Variants in SGMS1 observed in about 807,000 individuals in gnomAD.
The protein encoded by SGMS1 is sphingomyelin synthase 1.
In SGMS1, 13 loss-of-function variants were observed where a neutral mutation model predicts 46.2. The ratio of observed to expected loss-of-function variants is 0.28; its 90% CI spans 0.18 to 0.45. The LOEUF (loss-of-function observed/expected upper bound fraction) is 0.45. SGMS1 is among the 20% of genes least tolerant of loss of function. SGMS1 has a pLI of 1.00. For synonymous variants in SGMS1, 203 were observed against 187.8 expected (o/e 1.08, Z -0.66); for missense variants, 324 against 519.9 (o/e 0.62, Z 3.66).
At chr10:50,401,538 T>C (rs566777801) in intron 6 of SGMS1, among the ~76,000 whole-genome samples, 29 of 152,258 alleles carry the variant, frequency 1.9e-4, no homozygotes, top group Non-Finnish European at 4.0e-4. Flanking sequence ...ATCCCTCTAG[T>C]TTGATTCTCA....
intron 3 of SGMS1, among the ~76,000 whole-genome samples, chr10:50,513,234 C>A (rs1038563807): frequency 6.6e-6 from 1 of 152,158 alleles, no homozygotes; most frequent in Non-Finnish European, 1.5e-5. Flanking sequence ...CAGTGAACCA[C>A]AAAGTAAAAC....
At chr10:50,556,577 G>A (rs773302561) in intron 2 of SGMS1, among the ~76,000 whole-genome samples, 3 of 152,176 alleles carry the variant, frequency 2.0e-5, no homozygotes, top group Non-Finnish European at 4.4e-5. Context: ...AGAGTGAATG[G>A]AGCACAATGA....
At chr10:50,436,671 T>C (rs1037850533) in intron 5 of SGMS1, among the ~76,000 whole-genome samples, 1 of 152,190 alleles carries the variant, frequency 6.6e-6, no homozygotes, top group Non-Finnish European at 1.5e-5. Context: ...GAATGTTCAC[T>C]TTACACTCTA....
chr10:50,562,529 A>T (rs1378375662), intron 2 of SGMS1, among the ~76,000 whole-genome samples: 2 of 152,032 alleles, frequency 1.3e-5, no homozygotes, highest in Admixed American at 1.3e-4. Flanking sequence ...CTTTTAAATC[A>T]CAGGCTAAAT....
At chr10:50,391,337 C>A (rs1848763005) in intron 6 of SGMS1, among the ~76,000 whole-genome samples, 1 of 152,112 alleles carries the variant, frequency 6.6e-6, no homozygotes, top group South Asian at 2.1e-4. Flanking sequence ...GGGACTTGAA[C>A]ATGATAACTT....
upstream of SGMS1, among the ~76,000 whole-genome samples, chr10:50,624,289 G>A (rs1838892452): frequency 6.6e-6 from 1 of 152,150 alleles, no homozygotes; most frequent in Admixed American, 6.5e-5. Context: ...GCTAGAGCTG[G>A]TCACAAAGCA....
chr10:50,477,820 C>T (rs1438156623), intron 3 of SGMS1, among the ~76,000 whole-genome samples: 1 of 152,156 alleles, frequency 6.6e-6, no homozygotes, highest in Non-Finnish European at 1.5e-5. Context: ...TGCCTGATCC[C>T]TTTCCTTCTG....
chr10:50,459,248 A>G (rs914114214), intron 5 of SGMS1, among the ~76,000 whole-genome samples: 4 of 152,226 alleles, frequency 2.6e-5, no homozygotes, highest in Non-Finnish European at 5.9e-5. Flanking sequence ...TACCAATAAT[A>G]TATTCTCAGT....
chr10:50,388,802 A>T (rs1257139137), intron 6 of SGMS1, among the ~76,000 whole-genome samples: 3 of 152,108 alleles, frequency 2.0e-5, no homozygotes, highest in African/African-American at 7.2e-5. Flanking sequence ...AAAACAAAAC[A>T]CCTGATTATT....
intron 1 of SGMS1, among the ~76,000 whole-genome samples, chr10:50,614,785 T>C (rs530002616): frequency 2.0e-5 from 3 of 152,380 alleles, no homozygotes; most frequent in African/African-American, 7.2e-5. Flanking sequence ...CAGTACCTAC[T>C]TCTGTTATTT....
intron 6 of SGMS1, among the ~76,000 whole-genome samples, chr10:50,359,662 T>TATGGC (rs1417458335): frequency 1.4e-5 from 2 of 146,842 alleles, no homozygotes; most frequent in African/African-American, 5.0e-5. Flanking sequence ...TCAAGAAATC[T>TATGGC]AAACAATCAT....
chr10:50,344,202 G>C lies in SGMS1; in HGVS notation c.-88C>G. On this transcript the variant is annotated 5_prime_UTR_variant, in exon 7 of 11. Transcript: ENST00000361781. Reference sequence around the variant, plus strand: ...ACAGGGCAGGACACTGTCCTGCCTCGGCTCGTTCATCCTGTGGGGCCTCAT... The same window carrying C: ...ACAGGGCAGGACACTGTCCTGCCTCCGCTCGTTCATCCTGTGGGGCCTCAT... The C allele has an allele frequency of 1.3e-6, 2 of 1,490,242 alleles. No homozygotes were observed. The highest frequency in any genetic ancestry group is 4.6e-5 in the Admixed American group (2 of 43,896). The allele number at this position is 1,490,242 out of a possible 1,614,324, so 92.3% of individuals were successfully genotyped here.
At chr10:50,413,750 A>T (rs1849131763) in intron 6 of SGMS1, among the ~76,000 whole-genome samples, 1 of 152,238 alleles carries the variant, frequency 6.6e-6, no homozygotes, top group Admixed American at 6.5e-5. Flanking sequence ...ATCACCCAAG[A>T]TCATAACAAC....
chr10:50,440,408 G>A (rs901204076), intron 5 of SGMS1, among the ~76,000 whole-genome samples: 4 of 151,690 alleles, frequency 2.6e-5, no homozygotes, highest in Admixed American at 1.3e-4. Flanking sequence ...ATTTTTCCCC[G>A]CAGAGCCAGC....
intron 2 of SGMS1, among the ~76,000 whole-genome samples, chr10:50,525,295 T>C (rs1397324179): frequency 2.0e-5 from 3 of 152,198 alleles, no homozygotes; most frequent in African/African-American, 7.2e-5. Context: ...ATCTAAGCCC[T>C]GTGTGCCGCA....
At chr10:50,340,852 A>C (rs1411644193) in intron 7 of SGMS1, among the ~76,000 whole-genome samples, 1 of 152,236 alleles carries the variant, frequency 6.6e-6, no homozygotes, top group East Asian at 1.9e-4. Context: ...GTTCCATCCC[A>C]TGATTCTTCT....
At chr10:50,579,411 C>T (rs1838414029) in intron 2 of SGMS1, among the ~76,000 whole-genome samples, 1 of 151,560 alleles carries the variant, frequency 6.6e-6, no homozygotes, top group African/African-American at 2.4e-5. Flanking sequence ...TGCAAGTTTC[C>T]AAGAAATGAA....
At chr10:50,501,711 G>T (rs1025818769) in intron 3 of SGMS1, among the ~76,000 whole-genome samples, 1 of 152,110 alleles carries the variant, frequency 6.6e-6, no homozygotes, top group Non-Finnish European at 1.5e-5. Context: ...TCCTGATAGG[G>T]CGTTCTGTCC....
chr10:50,440,227 C>A (rs1482940096), intron 5 of SGMS1, among the ~76,000 whole-genome samples: 1 of 151,682 alleles, frequency 6.6e-6, no homozygotes, highest in Non-Finnish European at 1.5e-5. Context: ...CAGGTCACAT[C>A]CCTCCAGAAC....
Sources: allele counts gnomAD v4.1 joint callset (sites outside exome capture counted in the v4.1 genomes callset), GRCh38; gene constraint gnomAD v4.1.1; transcripts MANE v1.5; gene names NCBI Gene and HGNC (gene_info 2026-07-23, HGNC 2026-07-21).